Variants in BCAS3 observed in about 807,000 individuals in gnomAD.
The protein encoded by BCAS3 is BCAS3 microtubule associated cell migration factor.
Under a neutral mutation model 116.1 loss-of-function variants are expected in BCAS3, and 53 were observed. The observed-to-expected ratio is 0.46, with a 90% confidence interval of 0.37 to 0.57. The LOEUF is 0.57. Among genes scored for constraint, BCAS3 ranks in the 20% least tolerant of loss-of-function variants. The pLI, the probability that BCAS3 is intolerant of heterozygous loss-of-function variation, is 0.00. For synonymous variants in BCAS3, 391 were observed against 408.2 expected (o/e 0.96, Z 0.51); for missense variants, 917 against 1,165.4 (o/e 0.79, Z 3.10).
intron 22 of BCAS3, among the ~76,000 whole-genome samples, chr17:61,255,928 C>T (rs2144567024): frequency 6.6e-6 from 1 of 152,278 alleles, no homozygotes; most frequent in South Asian, 2.1e-4. Context: ...AGATTTGCTC[C>T]TAGACTTTAG....
At chr17:60,986,155 A>T (rs1358339943) in intron 14 of BCAS3, among the ~76,000 whole-genome samples, 3 of 152,260 alleles carry the variant, frequency 2.0e-5, no homozygotes, top group African/African-American at 4.8e-5. Context: ...ATGTTGTTGC[A>T]AATGACAGGA....
chr17:60,830,477 G>A (rs2050819241), intron 7 of BCAS3, among the ~76,000 whole-genome samples: 1 of 152,128 alleles, frequency 6.6e-6, no homozygotes, highest in African/African-American at 2.4e-5. Context: ...TAACTTTATA[G>A]GAAAGGTCAT....
At position 61,271,424 on chromosome 17, in the gene BCAS3, A is replaced by ATTTTT. The variant is rs71148400; in HGVS notation, c.2426-96894_2426-96890dup. Among the ~76,000 whole-genome samples the ATTTTT allele has an allele frequency of 1.2e-3, 87 of 70,234 alleles. 8 individuals are homozygous for ATTTTT. The highest frequency in any genetic ancestry group is 9.0e-3 in the East Asian group (17 of 1,886). 46.1% of individuals were successfully genotyped at this position (70,234 alleles called of 152,430 possible). On this transcript the variant is annotated intron_variant, in intron 22 of 23. Transcript: ENST00000407086. ...TACAGGTGTAAGCCACCATGCCCGG[A>ATTTTT]TTTTTTTTTTTTTGTCTTAGGTGGA...
chr17:60,742,426 CTTT>C (rs1173664552), intron 5 of BCAS3, among the ~76,000 whole-genome samples: 3 of 103,448 alleles, frequency 2.9e-5, no homozygotes, highest in Admixed American at 1.1e-4. Context: ...TCCTTGACAT[CTTT>C]TTTTTTTTTT....
intron 19 of BCAS3, among the ~76,000 whole-genome samples, chr17:61,059,151 C>G (rs1038742173): frequency 7.6e-6 from 1 of 132,020 alleles, no homozygotes. Context: ...GGCACAATCT[C>G]GGCTCGCTGC....
intron 22 of BCAS3, among the ~76,000 whole-genome samples, chr17:61,321,931 TTTG>T (rs1199636416): frequency 5.3e-5 from 8 of 150,200 alleles, no homozygotes; most frequent in Non-Finnish European, 8.8e-5. Flanking sequence ...TTTTTGTTTG[TTTG>T]TTTGTTTGTT....
intron 7 of BCAS3, among the ~76,000 whole-genome samples, chr17:60,813,433 A>G (rs1351631294): frequency 6.6e-6 from 1 of 152,016 alleles, no homozygotes; most frequent in Non-Finnish European, 1.5e-5. Context: ...AGTGTCTGTT[A>G]ATGTCTTTTG....
intron 7 of BCAS3, among the ~76,000 whole-genome samples, chr17:60,813,197 CA>C (rs1169705337): frequency 1.3e-5 from 2 of 151,964 alleles, no homozygotes; most frequent in East Asian, 3.9e-4. Flanking sequence ...TATACATACA[CA>C]GGCATATTCC....
chr17:60,961,645 C>T lies in BCAS3; in HGVS notation c.1221+14293C>T, dbSNP rs1230642568. The stretch of plus-strand genomic sequence containing the variant: ...TACATATAAAATTTACTATCTTTAC[C>T]ATTTTTAAGTGTACAGTTCAGTGGT... On this transcript the variant is annotated intron_variant, in intron 14 of 23. Transcript: ENST00000407086. This position sits in a 1 kb window ranked among gnomAD's most constrained non-coding sequence, Gnocchi z 4.8. Among the ~76,000 whole-genome samples, 2 of 151,884 alleles carry T rather than the reference C, an allele frequency of 1.3e-5. No individual in the cohort carries two copies. Among genetic ancestry groups the T allele is most frequent in the Non-Finnish European group, 2.9e-5 (2 of 67,970 alleles).
intron 22 of BCAS3, among the ~76,000 whole-genome samples, chr17:61,335,087 G>A (rs1034634540): frequency 6.6e-6 from 1 of 152,212 alleles, no homozygotes; most frequent in South Asian, 2.1e-4. Context: ...CACTGCCCCA[G>A]CTTTCAGCCT....
At chr17:61,297,817 C>T (rs1016767562) in intron 22 of BCAS3, among the ~76,000 whole-genome samples, 3 of 152,174 alleles carry the variant, frequency 2.0e-5, no homozygotes, top group Admixed American at 1.3e-4. Context: ...ATTTTTATTC[C>T]GTCCACTGTT....
intron 5 of BCAS3, among the ~76,000 whole-genome samples, chr17:60,715,223 T>C (rs1053146737): frequency 2.7e-5 from 4 of 145,796 alleles, no homozygotes; most frequent in African/African-American, 1.0e-4. Context: ...AGCCTCCACC[T>C]CTGGGGTTCA....
chr17:60,952,823 G>A (rs1255160044), intron 14 of BCAS3, among the ~76,000 whole-genome samples: 1 of 151,882 alleles, frequency 6.6e-6, no homozygotes, highest in Non-Finnish European at 1.5e-5. Flanking sequence ...GTGTCCATGT[G>A]TTCTCATCAT....
chr17:60,810,767 CAG>C (rs2048734402), intron 7 of BCAS3: 3 of 658,546 alleles, frequency 4.6e-6, no homozygotes, highest in Admixed American at 1.9e-5. Context: ...CAGCTGGAGA[CAG>C]AGATCAAGGC....
At chr17:61,197,481 A>G (rs955085444) in intron 22 of BCAS3, among the ~76,000 whole-genome samples, 2 of 152,212 alleles carry the variant, frequency 1.3e-5, no homozygotes, top group African/African-American at 2.4e-5. Context: ...CTGCTTTGAC[A>G]TAGAAGTTAG....
At chr17:61,320,951 C>T (rs552658107) in intron 22 of BCAS3, among the ~76,000 whole-genome samples, 2 of 152,250 alleles carry the variant, frequency 1.3e-5, no homozygotes, top group African/African-American at 4.8e-5. Flanking sequence ...CTCAGATGAG[C>T]ATTAAAGCAT....
At chr17:60,968,935 GA>G (rs1014226107) in intron 14 of BCAS3, among the ~76,000 whole-genome samples, 1 of 151,904 alleles carries the variant, frequency 6.6e-6, no homozygotes, top group Non-Finnish European at 1.5e-5. Context: ...GAGCACCCAA[GA>G]TGGTGGGAAA....
In BCAS3 at chr17:61,392,261, C is replaced by G; in HGVS notation, c.*136C>G. 9.3e-7 allele frequency: 1 copy of G among 1,079,834 alleles called. No individual in the cohort carries two copies. 66.9% of individuals were successfully genotyped at this position (1,079,834 alleles called of 1,614,324 possible). On this transcript the variant is annotated 3_prime_UTR_variant, in exon 24 of 24. Transcript: ENST00000407086. This position sits in a 1 kb window ranked among gnomAD's most constrained non-coding sequence, Gnocchi z 6.4. ...CCCCAAGCTTAGTGACAGCAGCCGC[C>G]CATCCTACCTGGATGGAGAAGAGAC...
chr17:60,953,764 G>A (rs181162444), intron 14 of BCAS3, among the ~76,000 whole-genome samples: 33 of 141,900 alleles, frequency 2.3e-4, no homozygotes, highest in African/African-American at 8.0e-4. Flanking sequence ...ATGAAGTCTC[G>A]TTTTTGTCAC....
Sources: allele counts gnomAD v4.1 joint callset (sites outside exome capture counted in the v4.1 genomes callset), GRCh38; gene constraint gnomAD v4.1.1; non-coding constraint Gnocchi (gnomAD v3.1); transcripts MANE v1.5; gene names NCBI Gene and HGNC (gene_info 2026-07-23, HGNC 2026-07-21).